The following LRRN4CL variants were observed in gnomAD, a reference collection of about 807,000 sequenced individuals.
LRRN4CL encodes LRRN4 C-terminal-like protein.
For synonymous variants in LRRN4CL, 156 were observed against 154.1 expected (o/e 1.01, Z -0.09); for missense variants, 348 against 336.4 (o/e 1.03, Z -0.27).
rs1945198765 is a variant in LRRN4CL, at chr11:62,686,518, C to T, written c.*1274G>A. On this transcript the variant is annotated 3_prime_UTR_variant, in exon 2 of 2. Transcript: ENST00000317449. ...TACTGTCGTTTTTGTTTTGTTTTAC[C>T]TAGCAAGAATATAAACTTATTCTCA... 1.3e-5 allele frequency: 2 copies of T among 151,220 alleles called. No individual in the cohort carries two copies. The highest frequency in any genetic ancestry group is 6.6e-5 in the Admixed American group (1 of 15,158). The allele number at this position is 151,220 out of a possible 1,614,324, so 9.4% of individuals were successfully genotyped here. A position where few individuals can be genotyped will look rare whatever the true frequency, so the allele number is the denominator to read the frequency against.
chr11:62,688,605 G>C, intron 1 of LRRN4CL, 92 bp from the exon 2 acceptor site: 1 of 981,530 alleles, frequency 1.0e-6, no homozygotes, highest in Non-Finnish European at 1.5e-6. Context: ...ACAGGAAAAT[G>C]CAACTGGGGA....
chr11:62,687,743 G>A lies in LRRN4CL; in HGVS notation c.*49C>T. On this transcript the variant is annotated 3_prime_UTR_variant, in exon 2 of 2. Transcript: ENST00000317449. ...TTTCCTCTTTCCCGGGGGCCAGGCTGAGCGCCCCAGGTGGGGCTGTCTGTG... is the reference window on the plus strand; with the variant it reads ...TTTCCTCTTTCCCGGGGGCCAGGCTAAGCGCCCCAGGTGGGGCTGTCTGTG... 1.5e-6 allele frequency: 2 copies of A among 1,331,406 alleles called. No individual in the cohort carries two copies. The highest frequency in any genetic ancestry group is 3.0e-5 in the East Asian group (1 of 33,490). 82.5% of individuals were successfully genotyped at this position (1,331,406 alleles called of 1,614,324 possible). A position where few individuals can be genotyped will look rare whatever the true frequency, so the allele number is the denominator to read the frequency against.
Position 62,688,260 on chromosome 11 carries a change from G to A in LRRN4CL, c.249C>T (p.Pro83=), listed in dbSNP as rs750815199. ...CPGLSSPAQP[P]DPPRMGEVRI... ...GCACTTCTCCCATGCGCGGCGGGTC[G>A]GGCGGCTGGGCGGGGCTGGAGAGTC... The change falls in exon 2 of 2, where the codon CCC becomes CCT. Residue 83 remains proline (P), a synonymous_variant. Coordinates refer to ENST00000317449, the MANE Select transcript of LRRN4CL (RefSeq NM_203422.4). The A allele has an allele frequency of 1.3e-5, 21 of 1,609,596 alleles. No homozygotes were observed. Among genetic ancestry groups the A allele is most frequent in the East Asian group, 4.5e-5 (2 of 44,784 alleles).
chr11:62,687,954 G>C lies in LRRN4CL; in HGVS notation c.555C>G (p.Arg185=). ...TGCGGGGGTTGGGCGGCACCGCAAGGCGGCTGCAAGGCCCGAAGGCAGGGA... is the reference window on the plus strand; with the variant it reads ...TGCGGGGGTTGGGCGGCACCGCAAGCCGGCTGCAAGGCCCGAAGGCAGGGA... ...ADIPAFGPCS[R]LAVPPNPRTL... is the part of the protein sequence containing the mutation. The change falls in exon 2 of 2, where the codon CGC becomes CGG. Residue 185 remains arginine (R), a synonymous_variant. Transcript: ENST00000317449. 1.7e-5 allele frequency: 27 copies of C among 1,586,928 alleles called. No homozygotes were observed. Among genetic ancestry groups the C allele is most frequent in the Non-Finnish European group, 2.3e-5 (27 of 1,167,284 alleles).
chr11:62,687,902 C>T lies in LRRN4CL; in HGVS notation c.607G>A (p.Gly203Ser), dbSNP rs948312430. 2.0e-6 allele frequency: 3 copies of T among 1,498,964 alleles called. No individual in the cohort carries two copies. Among genetic ancestry groups the T allele is most frequent in the Non-Finnish European group, 2.7e-6 (3 of 1,126,354 alleles). The allele number at this position is 1,498,964 out of a possible 1,614,324, so 92.9% of individuals were successfully genotyped here. The change falls in exon 2 of 2, where the codon GGC becomes AGC. Residue 203 changes from glycine to serine, a missense_variant. Physicochemically the swap from Gly to Ser is moderately conservative, Grantham distance 56. Transcript: ENST00000317449. ...RTLVHAAVGV[G>S]TALALLSCAA... ...CAGCTTAGCAGGGCCAGGGCCGTGCCCACCCCGACGGCCGCGTGGACCAGA... is the reference window on the plus strand; with the variant it reads ...CAGCTTAGCAGGGCCAGGGCCGTGCTCACCCCGACGGCCGCGTGGACCAGA...
chr11:62,686,439 G>A lies in LRRN4CL; in HGVS notation c.*1353C>T, dbSNP rs1225729437. 6.6e-6 allele frequency: 1 copy of A among 152,114 alleles called. No individual in the cohort carries two copies. Among genetic ancestry groups the A allele is most frequent in the African/African-American group, 2.4e-5 (1 of 41,412 alleles). The allele number at this position is 152,114 out of a possible 1,614,324, so 9.4% of individuals were successfully genotyped here. A position where few individuals can be genotyped will look rare whatever the true frequency, so the allele number is the denominator to read the frequency against. On this transcript the variant is annotated 3_prime_UTR_variant, in exon 2 of 2. Coordinates refer to ENST00000317449, the MANE Select transcript of LRRN4CL (RefSeq NM_203422.4). The stretch of plus-strand genomic sequence containing the variant: ...AAAGGTCCTTTAATGTTGTTATAGT[G>A]GATATGCAATAAACACAAATGGAGG...
At chr11:62,689,262 G>T (rs1305245643) in intron 1 of LRRN4CL, among the ~76,000 whole-genome samples, 165 bp downstream of exon 1, 1 of 152,144 alleles carries the variant, frequency 6.6e-6, no homozygotes, top group South Asian at 2.1e-4. Flanking sequence ...AAAGAGAACA[G>T]AATGGAGAAA....
At chr11:62,688,664 C>T (rs1945233819) in intron 1 of LRRN4CL, among the ~76,000 whole-genome samples, 151 bp from the exon 2 acceptor site, 1 of 152,200 alleles carries the variant, frequency 6.6e-6, no homozygotes, top group African/African-American at 2.4e-5. Context: ...CATTTGTCAA[C>T]CAACTTCTGA....
At position 62,687,801 on chromosome 11, in the gene LRRN4CL, C is replaced by T. The variant is rs1442536787; in HGVS notation, c.708G>A (p.Gly236=). ...TGCCCCCAGGCCCCTTTCAGAGCGC[C>T]CCTGCGGCTCGGGCGGCGGCTCGGC... ...CPRRAAARAA[G]AL Residue 236 remains glycine, a synonymous_variant, in exon 2 of 2, where the codon GGG becomes GGA. Coordinates refer to ENST00000317449, the MANE Select transcript of LRRN4CL (RefSeq NM_203422.4). The T allele has an allele frequency of 1.1e-5, 16 of 1,397,144 alleles. No individual in the cohort carries two copies. In the East Asian group the frequency reaches 4.6e-4, roughly 40 times the overall value. 86.5% of individuals were successfully genotyped at this position (1,397,144 alleles called of 1,614,324 possible).
At position 62,688,230 on chromosome 11, in the gene LRRN4CL, A is replaced by T; in HGVS notation, c.279T>A (p.Ile93=). The T allele has an allele frequency of 6.2e-7, 1 of 1,611,760 alleles. No homozygotes were observed. Among genetic ancestry groups the T allele is most frequent in the Non-Finnish European group, 8.5e-7 (1 of 1,179,480 alleles). The change falls in exon 2 of 2, where the codon ATT becomes ATA. Residue 93 remains isoleucine (I), a synonymous_variant. Transcript: ENST00000317449. Reference sequence around the variant, plus strand: ...CCACTGCGCGGCCCTCTTCGGCCGCAATGCGCACTTCTCCCATGCGCGGCG... The same window carrying T: ...CCACTGCGCGGCCCTCTTCGGCCGCTATGCGCACTTCTCCCATGCGCGGCG... The part of the protein sequence containing the change: ...PDPPRMGEVR[I]AAEEGRAVVH...
In LRRN4CL at chr11:62,687,961, C is replaced by G; in HGVS notation, c.548G>C (p.Cys183Ser). 1 of 1,593,894 alleles carries G rather than the reference C, an allele frequency of 6.3e-7. No individual in the cohort carries two copies. The highest frequency in any genetic ancestry group is 8.5e-7 in the Non-Finnish European group (1 of 1,170,526). Residue 183 changes from cysteine (C) to serine (S), a missense_variant, in exon 2 of 2, where the codon TGC (cysteine) becomes TCC (serine). Coordinates refer to ENST00000317449, the MANE Select transcript of LRRN4CL (RefSeq NM_203422.4). Reference protein sequence around the residue: ...EGADIPAFGPCSRLAVPPNPR... With the variant: ...EGADIPAFGPSSRLAVPPNPR... ...GTTGGGCGGCACCGCAAGGCGGCTG[C>G]AAGGCCCGAAGGCAGGGATGTCGGC...
chr11:62,689,254 A>G (rs1350993899), intron 1 of LRRN4CL, among the ~76,000 whole-genome samples, 173 bp downstream of exon 1: 5 of 152,184 alleles, frequency 3.3e-5, no homozygotes, highest in Non-Finnish European at 7.3e-5. Flanking sequence ...AGTTGAGAAA[A>G]GAGAACAGAA....
rs1945213169 is a variant in LRRN4CL, at chr11:62,687,746, C to A, written c.*46G>T. On this transcript the variant is annotated 3_prime_UTR_variant, in exon 2 of 2. Coordinates refer to ENST00000317449, the MANE Select transcript of LRRN4CL (RefSeq NM_203422.4). ...CCTCTTTCCCGGGGGCCAGGCTGAG[C>A]GCCCCAGGTGGGGCTGTCTGTGCCC... 4.5e-6 allele frequency: 6 copies of A among 1,331,112 alleles called. No individual in the cohort carries two copies. The highest frequency in any genetic ancestry group is 3.8e-6 in the Non-Finnish European group (4 of 1,040,692). The allele number at this position is 1,331,112 out of a possible 1,614,324, so 82.5% of individuals were successfully genotyped here.
Position 62,688,181 on chromosome 11 carries a change from G to C in LRRN4CL, c.328C>G (p.Pro110Ala). 2 of 1,612,436 alleles carry C rather than the reference G, an allele frequency of 1.2e-6. No homozygotes were observed. The highest frequency in any genetic ancestry group is 1.7e-4 in the Middle Eastern group (1 of 6,060). ...AGCAGCAGCCAGTAGTGGAGGACCG[G>C]GGAGAAGGGGGCACACCAGTGGACC... is the stretch of plus-strand genomic sequence containing the variant. ...AVVHWCAPFS[P>A]VLHYWLLLWD... Residue 110 changes from proline to alanine, a missense_variant, in exon 2 of 2, where the codon CCG (proline) becomes GCG (alanine). Pro to Ala is a conservative substitution (Grantham distance 27, BLOSUM62 -1). Coordinates refer to ENST00000317449, the MANE Select transcript of LRRN4CL (RefSeq NM_203422.4).
In LRRN4CL at chr11:62,686,938, GGATTA is replaced by G. The variant is rs1945202757; in HGVS notation, c.*849_*853del. On this transcript the variant is annotated 3_prime_UTR_variant, in exon 2 of 2. Transcript: ENST00000317449. ...CCCGCCTCAGCCTCCCAAAGTGCTG[GGATTA>G]CAGGCGTGAGCCACCGCGCCCGGCC... The G allele has an allele frequency of 6.6e-6, 1 of 152,294 alleles. No individual in the cohort carries two copies. The highest frequency in any genetic ancestry group is 1.5e-5 in the Non-Finnish European group (1 of 68,154). The allele number at this position is 152,294 out of a possible 1,614,324, so 9.4% of individuals were successfully genotyped here. A position where few individuals can be genotyped will look rare whatever the true frequency, so the allele number is the denominator to read the frequency against.
Position 62,687,060 on chromosome 11 carries a change from AC to A in LRRN4CL, c.*731del, listed in dbSNP as rs1278514191. The stretch of plus-strand genomic sequence containing the variant: ...TTTGAGAGACCAAGGCGGGTGGAGT[AC>A]CTGAGGTCAGGAGTTTGAGACCAGC... On this transcript the variant is annotated 3_prime_UTR_variant, in exon 2 of 2. Transcript: ENST00000317449. 6.7e-6 allele frequency: 1 copy of A among 150,008 alleles called. No individual in the cohort carries two copies. Among genetic ancestry groups the A allele is most frequent in the Non-Finnish European group, 1.5e-5 (1 of 67,600 alleles). The allele number at this position is 150,008 out of a possible 1,614,324, so 9.3% of individuals were successfully genotyped here. A position where few individuals can be genotyped will look rare whatever the true frequency, so the allele number is the denominator to read the frequency against.
chr11:62,688,113 G>T lies in LRRN4CL; in HGVS notation c.396C>A (p.Asn132Lys). 2 of 1,612,518 alleles carry T rather than the reference G, an allele frequency of 1.2e-6. No homozygotes were observed. Among genetic ancestry groups the T allele is most frequent in the South Asian group, 1.1e-5 (1 of 91,052 alleles). Residue 132 changes from asparagine (N) to lysine (K), a missense_variant, in exon 2 of 2, where the codon AAC becomes AAA. Physicochemically the swap from Asn to Lys is moderately conservative, Grantham distance 94. Transcript: ENST00000317449. ...SEAAQKGPPL[N>K]ATVRRAELKG... ...TCAGTTCGGCTCTGCGGACCGTAGC[G>T]TTCAGCGGGGGCCCCTTCTGCGCAG...
At chr11:62,689,020 A>C (rs1471391569) in intron 1 of LRRN4CL, among the ~76,000 whole-genome samples, 2 of 152,198 alleles carry the variant, frequency 1.3e-5, no homozygotes, top group Admixed American at 1.3e-4. Context: ...TACAAAAATT[A>C]AAAAGTATTT....
chr11:62,689,210 C>T (rs1426078385), intron 1 of LRRN4CL, among the ~76,000 whole-genome samples: 1 of 151,972 alleles, frequency 6.6e-6, no homozygotes, highest in Non-Finnish European at 1.5e-5. Flanking sequence ...ATGTATCCGT[C>T]AGTGACACAG....
Sources: gnomAD v4.1 joint callset for allele counts (sites outside exome capture counted in the v4.1 genomes callset) on GRCh38, gnomAD v4.1.1 for gene constraint, MANE v1.5 for transcripts, NCBI Gene and HGNC (gene_info 2026-07-23, HGNC 2026-07-21) for gene names.